The following TMEM108 variants were observed in gnomAD, a reference collection of about 807,000 sequenced individuals.
TMEM108 encodes the protein cancer/testis antigen 124.
Under a neutral mutation model 35.1 loss-of-function variants are expected in TMEM108, and 12 were observed. The ratio of observed to expected loss-of-function variants is 0.34; its 90% confidence interval spans 0.22 to 0.55. The LOEUF is 0.55. TMEM108 is among the 20% of genes least tolerant of loss of function. The pLI is 0.89. For synonymous variants in TMEM108, 287 were observed against 308.6 expected (o/e 0.93, Z 0.73); for missense variants, 680 against 753.3 (o/e 0.90, Z 1.14).
At chr3:133,324,736 G>A (rs2071309133) in intron 3 of TMEM108, among the ~76,000 whole-genome samples, 1 of 152,168 alleles carries the variant, frequency 6.6e-6, no homozygotes, top group Non-Finnish European at 1.5e-5. Context: ...CCAGCACTTT[G>A]GGAGGCCAAG....
At chr3:133,104,532 G>A (rs1462115492) in intron 2 of TMEM108, among the ~76,000 whole-genome samples, 1 of 152,110 alleles carries the variant, frequency 6.6e-6, no homozygotes, top group Non-Finnish European at 1.5e-5. Flanking sequence ...CTCCCAAAGG[G>A]TGAGGTCCTG....
rs2107689373 is a variant in TMEM108, at chr3:133,070,946, A to T, written c.-47+24926A>T. Among the ~76,000 whole-genome samples, 4 of 152,228 alleles carry T rather than the reference A, an allele frequency of 2.6e-5. No homozygotes were observed. In the Middle Eastern group the frequency reaches 0.014, roughly 518 times the overall value. On this transcript the variant is annotated intron_variant, in intron 2 of 5. Coordinates refer to ENST00000321871, the MANE Select transcript of TMEM108 (RefSeq NM_023943.4). ...TCTTCAGGGAACTCCCATTGAAGAG[A>T]TGGGGACACCAGACAGCTTACTAAT...
chr3:133,222,378 A>G (rs1026168991), intron 2 of TMEM108, among the ~76,000 whole-genome samples: 4 of 152,124 alleles, frequency 2.6e-5, no homozygotes, highest in Non-Finnish European at 5.9e-5. Flanking sequence ...TCTTGTTTCA[A>G]TTGAATCTTA....
At chr3:133,087,470 A>G (rs996534582) in intron 2 of TMEM108, among the ~76,000 whole-genome samples, 2 of 152,202 alleles carry the variant, frequency 1.3e-5, no homozygotes, top group African/African-American at 2.4e-5. Context: ...GGGGTTAACC[A>G]CAGAGATGTC....
chr3:133,044,837 G>A (rs1370133428), intron 1 of TMEM108, among the ~76,000 whole-genome samples: 1 of 152,128 alleles, frequency 6.6e-6, no homozygotes, highest in Non-Finnish European at 1.5e-5. Flanking sequence ...CATTTCTGTA[G>A]CCCTAACTAC....
chr3:133,127,554 C>G (rs1944433241), intron 2 of TMEM108, among the ~76,000 whole-genome samples: 1 of 152,218 alleles, frequency 6.6e-6, no homozygotes, highest in Non-Finnish European at 1.5e-5. Flanking sequence ...GTCTGGTAAA[C>G]CACACTATCT....
At chr3:133,382,246 C>T (rs1425841867) in intron 4 of TMEM108, among the ~76,000 whole-genome samples, 1 of 152,232 alleles carries the variant, frequency 6.6e-6, no homozygotes, top group Non-Finnish European at 1.5e-5. Flanking sequence ...TCTCCTCTGA[C>T]CCTCCAGGTT....
At chr3:133,388,598 T>A (rs2073188912) in intron 4 of TMEM108, 1 of 985,306 alleles carries the variant, frequency 1.0e-6, no homozygotes, top group Admixed American at 6.1e-5. Flanking sequence ...TTTTAAAGAT[T>A]TTTTAAAAAG....
intron 2 of TMEM108, among the ~76,000 whole-genome samples, chr3:133,226,850 T>C (rs1202102633): frequency 1.3e-5 from 2 of 152,160 alleles, no homozygotes; most frequent in Admixed American, 1.3e-4. Context: ...AGAAAGAGGT[T>C]TAATGGACTT....
intron 3 of TMEM108, among the ~76,000 whole-genome samples, chr3:133,254,075 C>T (rs1946510115): frequency 6.6e-6 from 1 of 152,180 alleles, no homozygotes; most frequent in South Asian, 2.1e-4. Context: ...CAGTGGGTCA[C>T]ACCTGCAATC....
chr3:133,159,059 G>A (rs1409232531), intron 2 of TMEM108, among the ~76,000 whole-genome samples: 1 of 152,164 alleles, frequency 6.6e-6, no homozygotes, highest in Non-Finnish European at 1.5e-5. Context: ...AAAAATGCAG[G>A]CTTTCCATAT....
At chr3:133,232,933 A>T (rs1260176720) in intron 3 of TMEM108, among the ~76,000 whole-genome samples, 2 of 151,966 alleles carry the variant, frequency 1.3e-5, no homozygotes, top group Non-Finnish European at 2.9e-5. Flanking sequence ...TCTTTCTGAG[A>T]CCTAAATAAT....
At chr3:133,092,831 A>C (rs566771622) in intron 2 of TMEM108, among the ~76,000 whole-genome samples, 7 of 152,190 alleles carry the variant, frequency 4.6e-5, no homozygotes, top group African/African-American at 1.2e-4. Context: ...AGAGGCATCA[A>C]GTATTTAAAA....
intron 2 of TMEM108, among the ~76,000 whole-genome samples, chr3:133,177,085 C>G (rs1322375582): frequency 1.2e-4 from 19 of 152,028 alleles, no homozygotes; most frequent in Admixed American, 3.9e-4. Context: ...ATAAATTCCT[C>G]GATACATACA....
chr3:133,229,218 T>G, intron 2 of TMEM108, 48 bp from the exon 3 acceptor site: 6 of 1,274,766 alleles, frequency 4.7e-6, no homozygotes, highest in Non-Finnish European at 6.7e-6. Context: ...TTCTGATTTT[T>G]AAATTATGTT....
At chr3:133,392,923 T>A (rs1445396108) in intron 5 of TMEM108, among the ~76,000 whole-genome samples, 1 of 152,172 alleles carries the variant, frequency 6.6e-6, no homozygotes, top group Non-Finnish European at 1.5e-5. Context: ...CAGATGATCT[T>A]TTCAAGGCAG....
At chr3:133,250,014 C>A (rs920413429) in intron 3 of TMEM108, among the ~76,000 whole-genome samples, 1 of 152,172 alleles carries the variant, frequency 6.6e-6, no homozygotes, top group Non-Finnish European at 1.5e-5. Flanking sequence ...TAGGCTCAAG[C>A]AGTCCTCACA....
At chr3:133,251,794 T>G (rs1362284042) in intron 3 of TMEM108, among the ~76,000 whole-genome samples, 1 of 152,148 alleles carries the variant, frequency 6.6e-6, no homozygotes, top group Non-Finnish European at 1.5e-5. Context: ...AAATCTACAC[T>G]GTGGGAAGGA....
In TMEM108 at chr3:133,380,270, C is replaced by T; in HGVS notation, c.559C>T (p.Pro187Ser). ...TTCATCACGCCCTGTCCCGCCTGCA[C>T]CTGGTGGCCACTCCAGGAGTAAAGA... ...GNSSRPVPPA[P>S]GGHSRSKEGQ... The change falls in exon 4 of 6, where the codon CCT becomes TCT. Residue 187 changes from proline (P) to serine (S), a missense_variant. Coordinates refer to ENST00000321871, the MANE Select transcript of TMEM108 (RefSeq NM_023943.4). This position sits in a 1 kb window ranked among gnomAD's most constrained non-coding sequence, Gnocchi z 5.3. 1 of 1,614,086 alleles carries T rather than the reference C, an allele frequency of 6.2e-7. No homozygotes were observed. Among genetic ancestry groups the T allele is most frequent in the Non-Finnish European group, 8.5e-7 (1 of 1,179,990 alleles).
Sources: allele counts gnomAD v4.1 joint callset (sites outside exome capture counted in the v4.1 genomes callset), GRCh38; gene constraint gnomAD v4.1.1; non-coding constraint Gnocchi (gnomAD v3.1); transcripts MANE v1.5; gene names NCBI Gene and HGNC (gene_info 2026-07-23, HGNC 2026-07-21).